The following MACROD2 variants were observed in gnomAD, a reference collection of about 807,000 sequenced individuals.
MACROD2 encodes the protein mono-ADP ribosylhydrolase 2, also known as ADP-ribose glycohydrolase MACROD2.
In MACROD2, 36 loss-of-function variants were observed where a neutral mutation model predicts 70.4. The observed-to-expected ratio is 0.51, with a 90% CI of 0.39 to 0.68. The LOEUF is 0.68. Among genes scored for constraint, MACROD2 ranks in the 30% least tolerant of loss-of-function variants. The pLI is 0.00. For synonymous variants in MACROD2, 172 were observed against 178.8 expected (o/e 0.96, Z 0.30); for missense variants, 496 against 538.4 (o/e 0.92, Z 0.78).
At chr20:15,380,324 G>T (rs1220425248) in intron 6 of MACROD2, among the ~76,000 whole-genome samples, 2 of 152,070 alleles carry the variant, frequency 1.3e-5, no homozygotes, top group Non-Finnish European at 2.9e-5. Flanking sequence ...AGCTTTCAAA[G>T]TAGGACTAGG....
At chr20:14,548,971 TGAATTTCCCA>T in intron 4 of MACROD2, among the ~76,000 whole-genome samples, 1 of 152,272 alleles carries the variant, frequency 6.6e-6, no homozygotes, top group South Asian at 2.1e-4. Flanking sequence ...CTGGAGGACA[TGAATTTCCCA>T]GAAGTTATGG....
chr20:15,739,964 T>C (rs1185199766), intron 8 of MACROD2, among the ~76,000 whole-genome samples: 1 of 151,742 alleles, frequency 6.6e-6, no homozygotes, highest in Non-Finnish European at 1.5e-5. Context: ...TCAGTTTCTC[T>C]ATTAGTCAAG....
chr20:14,991,889 T>C (rs2074907468), intron 5 of MACROD2, among the ~76,000 whole-genome samples: 1 of 152,160 alleles, frequency 6.6e-6, no homozygotes, highest in Admixed American at 6.5e-5. Context: ...TCAAAATGGT[T>C]ATAACTGTAA....
At chr20:15,541,196 T>C (rs902938441) in intron 8 of MACROD2, among the ~76,000 whole-genome samples, 1 of 152,190 alleles carries the variant, frequency 6.6e-6, no homozygotes, top group Non-Finnish European at 1.5e-5. Flanking sequence ...AAATAGCAAA[T>C]ATTTCTGGGA....
Position 14,048,831 on chromosome 20 carries a change from T to G in MACROD2, c.164-36790T>G, listed in dbSNP as rs542060988. ...GAATTACTAATAATGTACTTTGAAG[T>G]GTAATATAATTTTTGAGAAAATATT... On this transcript the variant is annotated intron_variant, in intron 2 of 17. Transcript: ENST00000684519. Among the ~76,000 whole-genome samples, 4 of 152,330 alleles carry G rather than the reference T, an allele frequency of 2.6e-5. No individual in the cohort carries two copies. The South Asian group carries it at 8.3e-4, about 32-fold the overall frequency.
intron 8 of MACROD2, among the ~76,000 whole-genome samples, chr20:15,548,391 T>TTTTTG (rs1048362591): frequency 5.9e-5 from 9 of 152,030 alleles, no homozygotes; most frequent in Admixed American, 2.0e-4. Flanking sequence ...GATGTGCTTT[T>TTTTTG]TTTTGTTTTG....
chr20:14,226,924 C>T (rs919706865), intron 3 of MACROD2, among the ~76,000 whole-genome samples: 1 of 152,362 alleles, frequency 6.6e-6, no homozygotes, highest in African/African-American at 2.4e-5. Flanking sequence ...GCATCTCCAC[C>T]TGCAGCCCCA....
At chr20:14,197,089 T>G (rs2081438844) in intron 3 of MACROD2, among the ~76,000 whole-genome samples, 2 of 152,210 alleles carry the variant, frequency 1.3e-5, no homozygotes, top group South Asian at 4.1e-4. Context: ...GCCATACATA[T>G]TTATGGGAGA....
intron 3 of MACROD2, among the ~76,000 whole-genome samples, chr20:14,190,150 A>T (rs2081373005): frequency 6.6e-6 from 1 of 152,206 alleles, no homozygotes; most frequent in Admixed American, 6.5e-5. Context: ...GTGGACCTGG[A>T]TATGCCACTT....
At chr20:15,924,174 G>A (rs2065454493) in intron 10 of MACROD2, among the ~76,000 whole-genome samples, 1 of 152,142 alleles carries the variant, frequency 6.6e-6, no homozygotes, top group Admixed American at 6.5e-5. Context: ...GTCTCAACAC[G>A]GAAGAAACAA....
At chr20:15,838,752 A>G (rs373250117) in intron 8 of MACROD2, among the ~76,000 whole-genome samples, 2 of 152,326 alleles carry the variant, frequency 1.3e-5, no homozygotes, top group South Asian at 2.1e-4. Context: ...TTTGCATTCA[A>G]AGTTGTTCTG....
intron 5 of MACROD2, among the ~76,000 whole-genome samples, chr20:15,050,201 A>G (rs2075428057): frequency 6.6e-6 from 1 of 152,126 alleles, no homozygotes; most frequent in Admixed American, 6.5e-5. Flanking sequence ...CTTGCCATTT[A>G]CCACCTCTTT....
chr20:14,240,499 T>A (rs1286753650), intron 3 of MACROD2, among the ~76,000 whole-genome samples: 1 of 152,200 alleles, frequency 6.6e-6, no homozygotes, highest in African/African-American at 2.4e-5. Flanking sequence ...TATGGAATAC[T>A]ATACAGCCCC....
At chr20:14,090,856 C>T (rs768093471) in intron 3 of MACROD2, among the ~76,000 whole-genome samples, 8 of 152,148 alleles carry the variant, frequency 5.3e-5, no homozygotes, top group Non-Finnish European at 1.0e-4. Flanking sequence ...TGTTAACTTA[C>T]GTTCCCAACA....
At chr20:15,083,252 G>A (rs939330830) in intron 5 of MACROD2, among the ~76,000 whole-genome samples, 1 of 152,074 alleles carries the variant, frequency 6.6e-6, no homozygotes, top group Non-Finnish European at 1.5e-5. Flanking sequence ...AATCTCTGGG[G>A]TTGGCCAGCT....
rs530563144 is a variant in MACROD2, at chr20:13,996,053, C to T, written c.46+244C>T. On this transcript the variant is annotated intron_variant, in intron 1 of 17. Coordinates refer to ENST00000684519, the MANE Select transcript of MACROD2 (RefSeq NM_001351661.2). ...TGGGCGCACGCCCCTCTCTGTTGCC[C>T]TCGGCACCCCGTCACCTTCTCCCGA... Among the ~76,000 whole-genome samples, 669 of 152,290 alleles carry T rather than the reference C, an allele frequency of 4.4e-3. 4 individuals are homozygous for T. Among genetic ancestry groups the T allele is most frequent in the African/African-American group, 0.015 (636 of 41,572 alleles).
At chr20:15,943,011 A>T (rs2065771720) in intron 12 of MACROD2, among the ~76,000 whole-genome samples, 1 of 152,190 alleles carries the variant, frequency 6.6e-6, no homozygotes, top group Admixed American at 6.5e-5. Flanking sequence ...TGTTTTTGGT[A>T]TTTATGAAAT....
In MACROD2 at chr20:15,803,008, A is replaced by C. The variant is rs559308214; in HGVS notation, c.646-59737A>C. Among the ~76,000 whole-genome samples, 6 of 152,228 alleles carry C rather than the reference A, an allele frequency of 3.9e-5. No homozygotes were observed. The East Asian group carries it at 1.2e-3, about 29-fold the overall frequency. ...TGAACAATAATGAGTAATGAGATTAAATTGGTAATAAAAGGTTTCCCAATA... is the reference window on the plus strand; with the variant it reads ...TGAACAATAATGAGTAATGAGATTACATTGGTAATAAAAGGTTTCCCAATA... On this transcript the variant is annotated intron_variant, in intron 8 of 17. Transcript: ENST00000684519.
At chr20:15,507,127 T>C (rs1224965012) in intron 8 of MACROD2, among the ~76,000 whole-genome samples, 1 of 152,240 alleles carries the variant, frequency 6.6e-6, no homozygotes, top group Non-Finnish European at 1.5e-5. Flanking sequence ...TGAGGACAGT[T>C]AGTCCCAGAT....
Sources: allele counts gnomAD v4.1 joint callset (sites outside exome capture counted in the v4.1 genomes callset), GRCh38; gene constraint gnomAD v4.1.1; transcripts MANE v1.5; gene names NCBI Gene and HGNC (gene_info 2026-07-23, HGNC 2026-07-21).